The following ALMS1 variants were observed in gnomAD, a reference collection of about 807,000 sequenced individuals.
ALMS1 encodes ALMS1 centrosome and basal body associated protein.
ALMS1 carries 271 observed loss-of-function variants against 352.2 expected under a neutral mutation model. The ratio of observed to expected loss-of-function variants is 0.77; its 90% CI spans 0.70 to 0.85. The LOEUF (loss-of-function observed/expected upper bound fraction) is 0.85, where lower values mean the gene tolerates loss of function less well. Among genes scored for constraint, ALMS1 ranks in the 40% least tolerant of loss-of-function variants. The probability of loss-of-function intolerance (pLI) is 0.00; values close to 1 mark genes in which losing one functional copy is unlikely to be tolerated. For synonymous variants in ALMS1, 1,865 were observed against 1,761.2 expected (o/e 1.06, Z -1.48); for missense variants, 5,445 against 4,870.7 (o/e 1.12, Z -3.51).
chr2:73,408,862 GTCT>G (rs1671022863), intron 2 of ALMS1, 115 bp downstream of exon 2: 57 of 177,738 alleles, frequency 3.2e-4, no homozygotes, highest in Middle Eastern at 2.2e-3. Context: ...ATGTTTTCTT[GTCT>G]TTTTTTTTTT....
In ALMS1 at chr2:73,601,303, C is replaced by T; in HGVS notation, c.11981C>T (p.Thr3994Ile). The change falls in exon 19 of 23, where the codon ACC becomes ATC. Residue 3994 changes from threonine to isoleucine, a missense_variant. Physicochemically the swap from Thr to Ile is moderately conservative, Grantham distance 89. Transcript: ENST00000613296. ...TCCTGGTTTGAACCAATAACCAAGA[C>T]CAGACCCTGGAGGGAGCCACTGCGG... ...GISWFEPITKTRPWREPLREQ... is the reference protein window; with the variant it reads ...GISWFEPITKIRPWREPLREQ... 2 of 1,614,210 alleles carry T rather than the reference C, an allele frequency of 1.2e-6. No individual in the cohort carries two copies. Among genetic ancestry groups the T allele is most frequent in the Non-Finnish European group, 1.7e-6 (2 of 1,180,040 alleles).
chr2:73,601,472 T>C (rs1340068163), intron 19 of ALMS1, 36 bp downstream of exon 19: 2 of 1,609,092 alleles, frequency 1.2e-6, no homozygotes, highest in South Asian at 1.1e-5. Context: ...ATGCTACGTG[T>C]AGGGAGAAGA....
In ALMS1 at chr2:73,549,483, T is replaced by A. The variant is rs1390129929; in HGVS notation, c.9908-784T>A. ...AATTTTGTCCCAAACAACTATTTTTTAATATCTTCTACCACTGTCCTTAAT... is the reference window on the plus strand; with the variant it reads ...AATTTTGTCCCAAACAACTATTTTTAAATATCTTCTACCACTGTCCTTAAT... On this transcript the variant is annotated intron_variant, in intron 12 of 22. Transcript: ENST00000613296. Among the ~76,000 whole-genome samples the A allele has an allele frequency of 4.6e-5, 7 of 152,226 alleles. No individual in the cohort carries two copies. In the East Asian group the frequency reaches 1.3e-3, roughly 29 times the overall value.
chr2:73,408,364 T>G (rs575312078), intron 1 of ALMS1, among the ~76,000 whole-genome samples: 42 of 152,332 alleles, frequency 2.8e-4, no homozygotes, highest in African/African-American at 9.1e-4. Context: ...AATAGACAAC[T>G]TGCTTGTTTC....
At position 73,386,155 on chromosome 2, in the gene ALMS1, A is replaced by T; in HGVS notation, c.287A>T (p.His96Leu). ...TTGCCTCCGCTGTCGCCCCCGCAGCACCGCTACTCGGAGGGCGAGCGGACC... is the reference window on the plus strand; with the variant it reads ...TTGCCTCCGCTGTCGCCCCCGCAGCTCCGCTACTCGGAGGGCGAGCGGACC... ...RILPPLSPPQ[H>L]RYSEGERTSL... Residue 96 changes from histidine (H) to leucine (L), a missense_variant, in exon 1 of 23, where the codon CAC becomes CTC. Physicochemically the swap from His to Leu is moderately conservative, Grantham distance 99. Transcript: ENST00000613296. 1 of 1,554,322 alleles carries T rather than the reference A, an allele frequency of 6.4e-7. No individual in the cohort carries two copies. The highest frequency in any genetic ancestry group is 1.2e-5 in the South Asian group (1 of 84,186).
intron 10 of ALMS1, among the ~76,000 whole-genome samples, chr2:73,494,019 G>A (rs549405134): frequency 1.3e-4 from 20 of 152,298 alleles, no homozygotes; most frequent in South Asian, 8.3e-4. Flanking sequence ...CTCATCACAG[G>A]GCTTGCCTGA....
chr2:73,596,276 G>C (rs6723002), intron 16 of ALMS1, among the ~76,000 whole-genome samples: 3 of 152,000 alleles, frequency 2.0e-5, no homozygotes, highest in Admixed American at 1.3e-4. Flanking sequence ...CATTTTTAGT[G>C]CATTTTTTGT....
At chr2:73,567,095 T>A (rs1471313767) in intron 15 of ALMS1, among the ~76,000 whole-genome samples, 1 of 152,170 alleles carries the variant, frequency 6.6e-6, no homozygotes, top group Non-Finnish European at 1.5e-5. Flanking sequence ...ACATAGGCAA[T>A]ATTGATTAAA....
Position 73,424,803 on chromosome 2 carries a change from A to G in ALMS1, c.1138A>G (p.Ile380Val), listed in dbSNP as rs776914849. 22 of 1,611,704 alleles carry G rather than the reference A, an allele frequency of 1.4e-5. No individual in the cohort carries two copies. The highest frequency in any genetic ancestry group is 1.8e-5 in the Non-Finnish European group (21 of 1,178,274). ...TTCATTTGACATAACTGATGAAAACATAGCTACTAAAAGAAGTGACCATTT... is the reference window on the plus strand; with the variant it reads ...TTCATTTGACATAACTGATGAAAACGTAGCTACTAAAAGAAGTGACCATTT... ...ATSFDITDEN[I>V]ATKRSDHFDA... Residue 380 changes from isoleucine to valine, a missense_variant, in exon 5 of 23, where the codon ATA (isoleucine) becomes GTA (valine). Physicochemically the swap from Ile to Val is conservative, Grantham distance 29. Transcript: ENST00000613296.
chr2:73,402,034 A>G (rs564172571), intron 1 of ALMS1, among the ~76,000 whole-genome samples: 1 of 131,676 alleles, frequency 7.6e-6, no homozygotes, highest in Admixed American at 7.4e-5. Context: ...TGTGTGTGTT[A>G]TGTGTGTGTG....
At chr2:73,430,889 A>G (rs916064192) in intron 6 of ALMS1, among the ~76,000 whole-genome samples, 1 of 151,996 alleles carries the variant, frequency 6.6e-6, no homozygotes, top group African/African-American at 2.4e-5. Context: ...TATTATATAT[A>G]TGCATATATA....
At chr2:73,537,096 C>G (rs1258861495) in intron 12 of ALMS1, among the ~76,000 whole-genome samples, 3 of 152,172 alleles carry the variant, frequency 2.0e-5, no homozygotes, top group East Asian at 3.9e-4. Context: ...TTTACTTGAC[C>G]TGACTGGGAG....
Position 73,491,255 on chromosome 2 carries a change from C to T in ALMS1, c.9296C>T (p.Ser3099Phe). Reference protein sequence around the residue: ...TVSSRSLEPTSKLLTSKPVAQ... With the variant: ...TVSSRSLEPTFKLLTSKPVAQ... ...TCTTCGAGATCACTGGAACCAACCT[C>T]CAAATTATTGACCAGTAAACCTGTA... is the stretch of plus-strand genomic sequence containing the variant. Residue 3099 changes from serine to phenylalanine, a missense_variant, in exon 10 of 23, where the codon TCC becomes TTC. By Grantham distance (155) the Ser-to-Phe change is radical. Transcript: ENST00000613296. 6.2e-7 allele frequency: 1 copy of T among 1,614,118 alleles called. No homozygotes were observed. The highest frequency in any genetic ancestry group is 1.3e-5 in the African/African-American group (1 of 75,072).
chr2:73,389,554 A>G (rs756615473), intron 1 of ALMS1, among the ~76,000 whole-genome samples: 3 of 152,144 alleles, frequency 2.0e-5, no homozygotes, highest in Non-Finnish European at 4.4e-5. Flanking sequence ...CGGGCCTTAC[A>G]TTTAAATCTT....
Position 73,517,415 on chromosome 2 carries a change from A to AT in ALMS1, c.9540-2352dup, listed in dbSNP as rs1227210903. On this transcript the variant is annotated intron_variant, in intron 10 of 22. Transcript: ENST00000613296. ...ACTATAGGCGCATGCCACTGTGCCT[A>AT]TTTTTTTTATGTTTTGTAGAGACGA... Among the ~76,000 whole-genome samples the AT allele has an allele frequency of 9.4e-5, 14 of 149,244 alleles. No homozygotes were observed. In the South Asian group the frequency reaches 2.6e-3, roughly 28 times the overall value.
intron 1 of ALMS1, among the ~76,000 whole-genome samples, chr2:73,386,993 A>G (rs1437997964): frequency 2.0e-5 from 3 of 152,226 alleles, no homozygotes; most frequent in Non-Finnish European, 1.5e-5. Context: ...AGTTTTGAGT[A>G]AGAGTTAAAA....
intron 10 of ALMS1, among the ~76,000 whole-genome samples, chr2:73,508,113 C>CTCTTT (rs1043277145): frequency 6.6e-6 from 1 of 150,572 alleles, no homozygotes; most frequent in Non-Finnish European, 1.5e-5. Context: ...CTTTTCTTTT[C>CTCTTT]TCTTTTCTTT....
intron 10 of ALMS1, among the ~76,000 whole-genome samples, chr2:73,512,077 T>C (rs1263592030): frequency 6.6e-6 from 1 of 152,130 alleles, no homozygotes; most frequent in Non-Finnish European, 1.5e-5. Context: ...TATATTTTTA[T>C]TTTTTTGAGA....
intron 7 of ALMS1, among the ~76,000 whole-genome samples, chr2:73,435,285 G>A (rs1026471523): frequency 6.6e-6 from 1 of 152,058 alleles, no homozygotes; most frequent in Non-Finnish European, 1.5e-5. Flanking sequence ...TCTGGCTTAC[G>A]TTTGGTTTTT....
Sources: allele counts gnomAD v4.1 joint callset (sites outside exome capture counted in the v4.1 genomes callset), GRCh38; gene constraint gnomAD v4.1.1; transcripts MANE v1.5; gene names NCBI Gene and HGNC (gene_info 2026-07-23, HGNC 2026-07-21).